TRPV1: variants seen among roughly 807,000 people sequenced by gnomAD.
TRPV1 encodes the protein transient receptor potential cation channel subfamily V member 1, also known as OTRPC1.
A neutral mutation model predicts 82.3 loss-of-function variants in TRPV1; 82 were observed. That is an observed-to-expected ratio of 1.00 (90% confidence interval 0.83 to 1.20). The LOEUF (loss-of-function observed/expected upper bound fraction) is 1.20, where lower values mean the gene tolerates loss of function less well. Among genes scored for constraint, TRPV1 ranks in the 50% most tolerant of loss-of-function variants. The probability of loss-of-function intolerance (pLI) is 0.00; values close to 1 mark genes in which losing one functional copy is unlikely to be tolerated. For synonymous variants in TRPV1, 515 were observed against 467.7 expected (o/e 1.10, Z -1.30); for missense variants, 1,067 against 1,096.8 (o/e 0.97, Z 0.38).
intron 7 of TRPV1, among the ~76,000 whole-genome samples, chr17:3,589,497 C>T (rs2075126888): frequency 6.6e-6 from 1 of 152,152 alleles, no homozygotes; most frequent in South Asian, 2.1e-4. Flanking sequence ...TCACCGTGCC[C>T]AGCCCAACAG....
At chr17:3,577,473 G>A in intron 12 of TRPV1, 125 bp downstream of exon 12, 1 of 1,265,470 alleles carries the variant, frequency 7.9e-7, no homozygotes, top group Non-Finnish European at 1.1e-6. Context: ...TGGAAAATAG[G>A]CTGGGGGGTA....
In TRPV1 at chr17:3,592,048, G is replaced by C. The variant is rs754625912; in HGVS notation, c.284+19C>G. 1.2e-6 allele frequency: 2 copies of C among 1,602,964 alleles called. No individual in the cohort carries two copies. Among genetic ancestry groups the C allele is most frequent in the African/African-American group, 2.7e-5 (2 of 74,738 alleles). ...AGCTGGGCTCCCAGCAGGGAGGGGG[G>C]CTCCAGACGCGGACTTACCTGGCAC... is the stretch of plus-strand genomic sequence containing the variant. On this transcript the variant is annotated intron_variant, in intron 3 of 16. Transcript: ENST00000572705.
chr17:3,574,897 G>A lies in TRPV1; in HGVS notation c.1781-942C>T, dbSNP rs1428386351. Among the ~76,000 whole-genome samples the A allele has an allele frequency of 6.1e-5, 8 of 130,204 alleles. No homozygotes were observed. In the Admixed American group the frequency reaches 6.2e-4, roughly 10 times the overall value. The allele number at this position is 130,204 out of a possible 152,430, so 85.4% of individuals were successfully genotyped here. ...CGCGCCACTGCACTCCAGCCTGGGC[G>A]ACAGAACGAGACTCTATCTCAAAAA... On this transcript the variant is annotated intron_variant, in intron 13 of 16. Transcript: ENST00000572705.
intron 12 of TRPV1, 95 bp downstream of exon 12, chr17:3,577,503 A>G: frequency 7.0e-7 from 1 of 1,426,250 alleles, no homozygotes; most frequent in South Asian, 1.3e-5. Flanking sequence ...CTTCCCAGGC[A>G]CGACAGAGAG....
chr17:3,607,158 A>G (rs1219608314), intron 2 of TRPV1, among the ~76,000 whole-genome samples: 1 of 152,162 alleles, frequency 6.6e-6, no homozygotes, highest in African/African-American at 2.4e-5. Context: ...GACCAGGCCA[A>G]CATGGTGAAA....
intron 2 of TRPV1, among the ~76,000 whole-genome samples, chr17:3,597,588 T>C (rs1326807165): frequency 1.3e-5 from 2 of 151,568 alleles, no homozygotes; most frequent in African/African-American, 4.9e-5. Context: ...GGGGGTCTTC[T>C]GGGTCAGCCA....
At chr17:3,593,130 G>GTGTC (rs1567672846) in intron 2 of TRPV1, among the ~76,000 whole-genome samples, 27 of 30,498 alleles carry the variant, frequency 8.9e-4, no homozygotes, top group African/African-American at 3.5e-3. Flanking sequence ...GTGTGTGTGT[G>GTGTC]TGTGTGTCTG....
intron 13 of TRPV1, among the ~76,000 whole-genome samples, chr17:3,576,669 ATATAT>A (rs1225440814): frequency 5.5e-5 from 1 of 18,044 alleles, no homozygotes; most frequent in Non-Finnish European, 2.1e-4. Flanking sequence ...AAAAAAAAAA[ATATAT>A]ATATATATAT....
Position 3,589,909 on chromosome 17 carries a change from C to G in TRPV1, c.942G>C (p.Leu314=), listed in dbSNP as rs2075134286. Residue 314 remains leucine, a synonymous_variant, in exon 7 of 17, where the codon CTG becomes CTC. Coordinates refer to ENST00000572705, the MANE Select transcript of TRPV1 (RefSeq NM_080704.4). ...KFVTSMYNEI[L]MLGAKLHPTL... ...TCGGGTGCAGTTTGGCCCCCAGCATCAGAATCTCATTGTACATGCTCGTCA... is the reference window on the plus strand; with the variant it reads ...TCGGGTGCAGTTTGGCCCCCAGCATGAGAATCTCATTGTACATGCTCGTCA... 6.3e-7 allele frequency: 1 copy of G among 1,595,364 alleles called. No homozygotes were observed. Among genetic ancestry groups the G allele is most frequent in the Non-Finnish European group, 8.5e-7 (1 of 1,171,442 alleles).
intron 9 of TRPV1, chr17:3,585,294 G>A (rs2150842040): frequency 6.3e-6 from 1 of 158,154 alleles, no homozygotes; most frequent in Non-Finnish European, 1.4e-5. Context: ...TGGGATTACA[G>A]GCAGGCTCCA....
At position 3,574,078 on chromosome 17, in the gene TRPV1, C is replaced by T. The variant is rs140328795; in HGVS notation, c.1781-123G>A. The T allele has an allele frequency of 1.9e-3, 1,636 of 873,332 alleles. 16 individuals carry two copies. In the African/African-American group the frequency reaches 0.025, roughly 13 times the overall value. 54.1% of individuals were successfully genotyped at this position (873,332 alleles called of 1,614,324 possible). On this transcript the variant is annotated intron_variant, in intron 13 of 16. Transcript: ENST00000572705. The stretch of plus-strand genomic sequence containing the variant: ...TGTGACAAGTTATTTTTAAAGCATC[C>T]CTTCTTTAAAACTATCAAAAAAATT...
At position 3,591,313 on chromosome 17, in the gene TRPV1, T is replaced by G. The variant is rs780346241; in HGVS notation, c.325A>C (p.Thr109Pro). The G allele has an allele frequency of 6.2e-7, 1 of 1,603,740 alleles. No homozygotes were observed. The highest frequency in any genetic ancestry group is 1.1e-5 in the South Asian group (1 of 90,404). Residue 109 changes from threonine to proline, a missense_variant, in exon 4 of 17, where the codon ACC becomes CCC. Transcript: ENST00000572705. ...CTCCTGCGATCATAGAGCCTGAGGG[T>G]CTTCTCGGTGCTGGCGGCGACAGAG... ...QDSVAASTEK[T>P]LRLYDRRSIF...
At chr17:3,577,034 C>T (rs1233693623) in intron 13 of TRPV1, 92 bp downstream of exon 13, 3 of 1,334,480 alleles carry the variant, frequency 2.2e-6, no homozygotes, top group Non-Finnish European at 3.1e-6. Context: ...CCTGCCTACC[C>T]AGTGCCTTCT....
Position 3,590,267 on chromosome 17 carries a change from G to T in TRPV1, c.730C>A (p.Pro244Thr). The T allele has an allele frequency of 6.2e-7, 1 of 1,613,918 alleles. No homozygotes were observed. Among genetic ancestry groups the T allele is most frequent in the Non-Finnish European group, 8.5e-7 (1 of 1,179,860 alleles). The change falls in exon 6 of 17, where the codon CCT (proline) becomes ACT (threonine). Residue 244 changes from proline to threonine, a missense_variant. Coordinates refer to ENST00000572705, the MANE Select transcript of TRPV1 (RefSeq NM_080704.4). ...GDFFKKTKGR[P>T]GFYFGELPLS... ...GTCTCCCTACCGAAGTAGAATCCAG[G>T]CCGCCCTTTGGTTTTCTTAAAGAAG...
chr17:3,589,760 G>A (rs1567669730), intron 7 of TRPV1, 47 bp downstream of exon 7: 3 of 1,563,892 alleles, frequency 1.9e-6, no homozygotes, highest in South Asian at 2.4e-5. Context: ...CCTCTCCCAT[G>A]CCATCAGCCC....
intron 8 of TRPV1, 71 bp downstream of exon 8, chr17:3,588,117 A>G: frequency 2.0e-6 from 3 of 1,503,910 alleles, no homozygotes; most frequent in Non-Finnish European, 2.7e-6. Flanking sequence ...CTGGAGCTGG[A>G]CCAGGGGCTG....
At chr17:3,596,141 G>T (rs940330097) in intron 2 of TRPV1, among the ~76,000 whole-genome samples, 3 of 152,160 alleles carry the variant, frequency 2.0e-5, no homozygotes, top group Admixed American at 2.0e-4. Context: ...TAAAAGAATC[G>T]ATTCTGCCCA....
chr17:3,566,604 T>G lies in TRPV1; in HGVS notation c.*211A>C. 1.9e-6 allele frequency: 1 copy of G among 526,006 alleles called. No individual in the cohort carries two copies. Among genetic ancestry groups the G allele is most frequent in the Non-Finnish European group, 3.3e-6 (1 of 305,392 alleles). The allele number at this position is 526,006 out of a possible 1,614,324, so 32.6% of individuals were successfully genotyped here. ...AAAAACCTGAAAGTCTGTTAGGAGA[T>G]TCACTTGGGGACAGTGACGGTTGGA... On this transcript the variant is annotated 3_prime_UTR_variant, in exon 17 of 17. Transcript: ENST00000572705.
chr17:3,583,339 C>T lies in TRPV1; in HGVS notation c.1475G>A (p.Gly492Glu), dbSNP rs200122670. ...VLGGVYFFFRGIQYFLQRRPS... is the reference protein window; with the variant it reads ...VLGGVYFFFREIQYFLQRRPS... ...CACAATGTGGGAAGGAACGCTTACCCCTCGGAAAAAGAAGTAGACTCCTCC... is the reference window on the plus strand; with the variant it reads ...CACAATGTGGGAAGGAACGCTTACCTCTCGGAAAAAGAAGTAGACTCCTCC... Residue 492 changes from glycine to glutamate, a missense_variant and splice_region_variant, in exon 10 of 17, where the codon GGG (glycine) becomes GAG (glutamate). Physicochemically the swap from Gly to Glu is moderately conservative, Grantham distance 98. Transcript: ENST00000572705. 8 of 1,606,492 alleles carry T rather than the reference C, an allele frequency of 5.0e-6. No individual in the cohort carries two copies. The highest frequency in any genetic ancestry group is 2.2e-5 in the South Asian group (2 of 89,526).
Sources: allele counts gnomAD v4.1 joint callset (sites outside exome capture counted in the v4.1 genomes callset), GRCh38; gene constraint gnomAD v4.1.1; transcripts MANE v1.5; gene names NCBI Gene and HGNC (gene_info 2026-07-23, HGNC 2026-07-21).